The following SWT1 variants were observed in gnomAD, a reference collection of about 807,000 sequenced individuals.
SWT1 encodes the protein SWT1 RNA endoribonuclease homolog, also known as transcriptional protein SWT1.
A neutral mutation model predicts 107.3 loss-of-function variants in SWT1; 33 were observed. That is an observed-to-expected ratio of 0.31 (90% CI 0.23 to 0.41). The LOEUF (loss-of-function observed/expected upper bound fraction) is 0.41, where lower values mean the gene tolerates loss of function less well. Ranked by LOEUF, SWT1 falls within the 10% of genes least tolerant of loss-of-function variation. SWT1 has a pLI of 1.00. For missense variants in SWT1, 898 were observed against 1,028.9 expected (o/e 0.87, Z 1.74); for synonymous variants, 345 against 348.3 (o/e 0.99, Z 0.11).
At chr1:185,234,540 C>T (rs913397194) in intron 16 of SWT1, among the ~76,000 whole-genome samples, 18 of 152,118 alleles carry the variant, frequency 1.2e-4, no homozygotes, top group African/African-American at 7.2e-5. Flanking sequence ...ATACTGCACA[C>T]CAATGGATCT....
chr1:185,274,396 A>G (rs921277950), intron 17 of SWT1, among the ~76,000 whole-genome samples: 2 of 150,926 alleles, frequency 1.3e-5, no homozygotes, highest in African/African-American at 4.9e-5. Flanking sequence ...AGGTCAAGCA[A>G]TCTTCCTACC....
intron 15 of SWT1, among the ~76,000 whole-genome samples, chr1:185,229,175 T>G (rs1032194458): frequency 6.6e-6 from 1 of 152,124 alleles, no homozygotes; most frequent in Non-Finnish European, 1.5e-5. Flanking sequence ...AGATACCGGT[T>G]TAGGTGTGTA....
At chr1:185,227,697 C>A (rs1558056441) in intron 15 of SWT1, 1 of 579,180 alleles carries the variant, frequency 1.7e-6, no homozygotes, top group East Asian at 4.9e-5. Flanking sequence ...TTAACAAACC[C>A]CATCCTGCAG....
chr1:185,196,790 A>G (rs1657429187), intron 10 of SWT1, among the ~76,000 whole-genome samples: 1 of 152,036 alleles, frequency 6.6e-6, no homozygotes, highest in African/African-American at 2.4e-5. Context: ...GCTGTTTGTC[A>G]TTTATTGGTG....
chr1:185,210,009 T>G (rs1658649905), intron 13 of SWT1, among the ~76,000 whole-genome samples: 1 of 152,222 alleles, frequency 6.6e-6, no homozygotes, highest in African/African-American at 2.4e-5. Flanking sequence ...GTTTGTTGGC[T>G]GCATAAATGT....
At chr1:185,254,306 G>A (rs1215479567) in intron 16 of SWT1, among the ~76,000 whole-genome samples, 1 of 132,386 alleles carries the variant, frequency 7.6e-6, no homozygotes, top group Non-Finnish European at 1.6e-5. Flanking sequence ...AAAGAGTTAG[G>A]GAGGATTCCC....
chr1:185,162,413 A>G (rs1322044288), intron 2 of SWT1, among the ~76,000 whole-genome samples: 4 of 152,138 alleles, frequency 2.6e-5, no homozygotes, highest in Non-Finnish European at 5.9e-5. Flanking sequence ...TTGCTAGGGA[A>G]TTCACCTAGC....
chr1:185,253,845 C>T (rs1185146842), intron 16 of SWT1, among the ~76,000 whole-genome samples: 26 of 151,520 alleles, frequency 1.7e-4, no homozygotes, highest in African/African-American at 5.6e-4. Flanking sequence ...GAGGGCATCC[C>T]TGTCTTGTGC....
At chr1:185,257,236 TTGTC>T (rs1662623983) in intron 16 of SWT1, among the ~76,000 whole-genome samples, 1 of 152,058 alleles carries the variant, frequency 6.6e-6, no homozygotes, top group Non-Finnish European at 1.5e-5. Context: ...GTCTTTTTGT[TTGTC>T]TGTGCCCTGC....
At chr1:185,207,722 TAAAACTCCCTTTCTA>T in intron 13 of SWT1, among the ~76,000 whole-genome samples, 1 of 151,956 alleles carries the variant, frequency 6.6e-6, no homozygotes, top group Non-Finnish European at 1.5e-5. Flanking sequence ...GGCAACATGG[TAAAACTCCCTTTCTA>T]AAAAAAATAC....
intron 9 of SWT1, among the ~76,000 whole-genome samples, chr1:185,186,105 C>G (rs947461134): frequency 3.9e-5 from 6 of 152,070 alleles, no homozygotes; most frequent in African/African-American, 9.7e-5. Context: ...AATTCCACGT[C>G]ATAAAATGGT....
chr1:185,257,909 T>C (rs949925193), intron 16 of SWT1: 4 of 152,250 alleles, frequency 2.6e-5, no homozygotes, highest in African/African-American at 9.6e-5. Context: ...TTTTATTTTT[T>C]TTTAAGTCCA....
intron 18 of SWT1, among the ~76,000 whole-genome samples, chr1:185,285,612 C>T (rs1664901944): frequency 6.6e-6 from 1 of 152,074 alleles, no homozygotes; most frequent in African/African-American, 2.4e-5. Flanking sequence ...ATTGCCAAAC[C>T]TAAGGTTATG....
intron 15 of SWT1, among the ~76,000 whole-genome samples, chr1:185,229,003 C>T (rs987062199): frequency 1.3e-5 from 2 of 152,006 alleles, no homozygotes; most frequent in African/African-American, 4.8e-5. Context: ...TTGTGTAGGG[C>T]CTATAAGCCA....
In SWT1 at chr1:185,264,670, C is replaced by T. The variant is rs186416479; in HGVS notation, c.2442-6653C>T. Among the ~76,000 whole-genome samples, 47 of 152,162 alleles carry T rather than the reference C, an allele frequency of 3.1e-4. 1 individual carries two copies. Among genetic ancestry groups the T allele is most frequent in the Non-Finnish European group, 6.0e-4 (41 of 67,980 alleles). On this transcript the variant is annotated intron_variant, in intron 16 of 18. Coordinates refer to ENST00000367500, the MANE Select transcript of SWT1 (RefSeq NM_017673.7). ...TATCTGATATCACTTAGCTGGAAAG[C>T]GGTAAACCTCTTATTTGAACTCTGG...
At chr1:185,206,079 C>T (rs757306156) in intron 12 of SWT1, among the ~76,000 whole-genome samples, 56 of 152,062 alleles carry the variant, frequency 3.7e-4, no homozygotes, top group Non-Finnish European at 2.9e-4. Flanking sequence ...CTGTCTCAAC[C>T]TCCCAAGTAG....
intron 5 of SWT1, among the ~76,000 whole-genome samples, chr1:185,177,466 CTTTA>C (rs1655663999): frequency 6.6e-6 from 1 of 152,196 alleles, no homozygotes; most frequent in Non-Finnish European, 1.5e-5. Context: ...AATTTAGACT[CTTTA>C]TAAACTGTTC....
At chr1:185,157,862 CAT>C (rs919404373) in intron 1 of SWT1, among the ~76,000 whole-genome samples, 3 of 152,114 alleles carry the variant, frequency 2.0e-5, no homozygotes, top group African/African-American at 7.2e-5. Context: ...ATCCCCAAAA[CAT>C]ATGCTAGCGA....
chr1:185,157,879 C>T (rs1653761886), intron 1 of SWT1, among the ~76,000 whole-genome samples: 1 of 152,096 alleles, frequency 6.6e-6, no homozygotes, highest in African/African-American at 2.4e-5. Flanking sequence ...TAGCGAGTCC[C>T]CTGTCCCCCG....
Sources: gnomAD v4.1 joint callset for allele counts (sites outside exome capture counted in the v4.1 genomes callset) on GRCh38, gnomAD v4.1.1 for gene constraint, MANE v1.5 for transcripts, NCBI Gene and HGNC (gene_info 2026-07-23, HGNC 2026-07-21) for gene names.